SPTBN4: variants seen among roughly 807,000 people sequenced by gnomAD.
SPTBN4 encodes the protein spectrin beta, non-erythrocytic 4.
A neutral mutation model predicts 277.8 loss-of-function variants in SPTBN4; 96 were observed. The ratio of observed to expected loss-of-function variants is 0.35; its 90% CI spans 0.29 to 0.41. The LOEUF (loss-of-function observed/expected upper bound fraction) is 0.41. Ranked by LOEUF, SPTBN4 falls within the 10% of genes least tolerant of loss-of-function variation. SPTBN4 has a pLI of 1.00. For missense variants in SPTBN4, 3,006 were observed against 3,595.7 expected (o/e 0.84, Z 4.19); for synonymous variants, 1,481 against 1,580.3 (o/e 0.94, Z 1.49).
chr19:40,547,228 G>C (rs1377520004), intron 20 of SPTBN4, among the ~76,000 whole-genome samples: 2 of 134,308 alleles, frequency 1.5e-5, no homozygotes, highest in Non-Finnish European at 3.0e-5. Flanking sequence ...CCTGCCCTGT[G>C]TCCAAGTGTT....
At chr19:40,471,020 G>T (rs1410182151) in intron 1 of SPTBN4, among the ~76,000 whole-genome samples, 1 of 151,520 alleles carries the variant, frequency 6.6e-6, no homozygotes, top group Non-Finnish European at 1.5e-5. Flanking sequence ...CATGATCTCG[G>T]CTCACTGCAG....
chr19:40,542,977 G>A (rs756454799), intron 20 of SPTBN4, among the ~76,000 whole-genome samples: 6 of 151,948 alleles, frequency 3.9e-5, no homozygotes, highest in African/African-American at 7.3e-5. Flanking sequence ...CTCAAATTAC[G>A]TCTTCACAAA....
Position 40,515,272 on chromosome 19 carries a change from G to A in SPTBN4, c.2766-39G>A, listed in dbSNP as rs373899462. ...AAGGTATTTCATAAAACCAAGGTCC[G>A]CAGGGTTCGGGTGTCTGAGCATCTC... On this transcript the variant is annotated intron_variant, in intron 14 of 35. Coordinates refer to ENST00000598249, the MANE Select transcript of SPTBN4 (RefSeq NM_020971.3). The surrounding 1 kb of genome is among the most constrained non-coding windows in gnomAD (Gnocchi z 4.1). 53 of 1,601,768 alleles carry A rather than the reference G, an allele frequency of 3.3e-5. No homozygotes were observed. The highest frequency in any genetic ancestry group is 5.4e-5 in the African/African-American group (4 of 74,612).
intron 35 of SPTBN4, chr19:40,572,621 G>A (rs1336747411): frequency 1.8e-6 from 1 of 560,576 alleles, no homozygotes; most frequent in African/African-American, 1.9e-5. Flanking sequence ...CATCTTTGCC[G>A]TGGTCACTCA....
chr19:40,525,285 T>C (rs1288761161), intron 17 of SPTBN4, among the ~76,000 whole-genome samples: 1 of 151,722 alleles, frequency 6.6e-6, no homozygotes, highest in African/African-American at 2.4e-5. Context: ...TAGTGCCCCC[T>C]TTTCCATCCA....
At chr19:40,489,616 C>A (rs2080113719) in intron 3 of SPTBN4, among the ~76,000 whole-genome samples, 1 of 152,080 alleles carries the variant, frequency 6.6e-6, no homozygotes, top group Non-Finnish European at 1.5e-5. Flanking sequence ...TCGAACTCCT[C>A]GCCTCAAGTG....
intron 7 of SPTBN4, among the ~76,000 whole-genome samples, chr19:40,499,838 G>A (rs2080243941): frequency 6.6e-6 from 1 of 152,148 alleles, no homozygotes; most frequent in African/African-American, 2.4e-5. Flanking sequence ...TCTTATAGCT[G>A]TATCCTGTGC....
At chr19:40,544,076 A>G (rs1043396612) in intron 20 of SPTBN4, among the ~76,000 whole-genome samples, 11 of 149,912 alleles carry the variant, frequency 7.3e-5, no homozygotes, top group Non-Finnish European at 1.3e-4. Flanking sequence ...TGTGCAATCC[A>G]CTATAAATTT....
At chr19:40,512,527 G>A in intron 13 of SPTBN4, 79 bp from the exon 14 acceptor site, 1 of 1,424,838 alleles carries the variant, frequency 7.0e-7, no homozygotes, top group Admixed American at 2.8e-5. Flanking sequence ...CAAGGACAGG[G>A]TAGGTAGCCC....
At chr19:40,489,950 G>T in intron 3 of SPTBN4, 125 bp from the exon 4 acceptor site, 1 of 966,238 alleles carries the variant, frequency 1.0e-6, no homozygotes, top group South Asian at 1.8e-5. Flanking sequence ...GAGGAGGACA[G>T]CCTGATCCTG....
At chr19:40,480,905 A>G (rs2080003647) in intron 2 of SPTBN4, among the ~76,000 whole-genome samples, 1 of 152,128 alleles carries the variant, frequency 6.6e-6, no homozygotes, top group South Asian at 2.1e-4. Flanking sequence ...TCTACTAAAA[A>G]TACAAAAAAG....
In SPTBN4 at chr19:40,565,436, G is replaced by A. The variant is rs756862656; in HGVS notation, c.5929G>A (p.Val1977Met). Residue 1977 changes from valine (V) to methionine (M), a missense_variant, in exon 28 of 36, where the codon GTG becomes ATG. By Grantham distance (21) the Val-to-Met change is conservative. Transcript: ENST00000598249. ...CACCCACTGCAGGGACGTGTCATCA[G>A]TGGAGGTGCTCATGAACTACCACCA... is the stretch of plus-strand genomic sequence containing the variant. ...AADKPRDVSS[V>M]EVLMNYHQGL... 1.9e-6 allele frequency: 3 copies of A among 1,613,814 alleles called. No homozygotes were observed. The Admixed American group carries it at 5.0e-5, about 27-fold the overall frequency.
chr19:40,468,628 C>T (rs986004700), intron 1 of SPTBN4, among the ~76,000 whole-genome samples: 1 of 152,206 alleles, frequency 6.6e-6, no homozygotes, highest in Admixed American at 6.6e-5. Flanking sequence ...GATCCACCTA[C>T]CTTGACCTCC....
intron 15 of SPTBN4, among the ~76,000 whole-genome samples, chr19:40,517,535 A>G (rs975943779): frequency 6.6e-6 from 1 of 152,072 alleles, no homozygotes; most frequent in African/African-American, 2.4e-5. Context: ...GGCTCAAGTG[A>G]TCTTCTGCCT....
At chr19:40,553,461 TA>T (rs1355866565) in intron 22 of SPTBN4, among the ~76,000 whole-genome samples, 6 of 152,082 alleles carry the variant, frequency 3.9e-5, no homozygotes, top group African/African-American at 1.4e-4. Context: ...ACCCTGTCTC[TA>T]AAAAAGCAAA....
chr19:40,472,057 T>C (rs2079891121), intron 1 of SPTBN4, among the ~76,000 whole-genome samples: 1 of 151,980 alleles, frequency 6.6e-6, no homozygotes, highest in Non-Finnish European at 1.5e-5. Context: ...ATTACAGGCA[T>C]ACTCCACCTC....
intron 15 of SPTBN4, among the ~76,000 whole-genome samples, chr19:40,516,237 CAAAAA>C (rs61403353): frequency 1.8e-5 from 2 of 112,292 alleles, no homozygotes; most frequent in Admixed American, 1.0e-4. Context: ...GACCTTGTCT[CAAAAA>C]AAAAAAAAAA....
chr19:40,486,395 G>C (rs1039134409), intron 2 of SPTBN4, among the ~76,000 whole-genome samples: 22 of 151,404 alleles, frequency 1.5e-4, no homozygotes, highest in African/African-American at 5.3e-4. Context: ...TTTGAGACAG[G>C]GTCTGGCTCT....
chr19:40,514,381 G>A (rs993873708), intron 14 of SPTBN4, among the ~76,000 whole-genome samples: 3 of 152,160 alleles, frequency 2.0e-5, no homozygotes, highest in Non-Finnish European at 2.9e-5. Flanking sequence ...AGGTTGGAGC[G>A]GGTAAGAGTT....
Sources: gnomAD v4.1 joint callset for allele counts (sites outside exome capture counted in the v4.1 genomes callset) on GRCh38, gnomAD v4.1.1 for gene constraint, Gnocchi (gnomAD v3.1) non-coding constraint, MANE v1.5 for transcripts, NCBI Gene and HGNC (gene_info 2026-07-23, HGNC 2026-07-21) for gene names.